SULF1: variants seen among roughly 807,000 people sequenced by gnomAD.
SULF1 encodes the protein extracellular sulfatase Sulf-1.
SULF1 carries 46 observed loss-of-function variants against 110.5 expected under a neutral mutation model. The ratio of observed to expected loss-of-function variants is 0.42; its 90% CI spans 0.33 to 0.53. The LOEUF is 0.53. SULF1 is among the 20% of genes least tolerant of loss of function. SULF1 has a pLI of 0.12. For synonymous variants in SULF1, 371 were observed against 387.1 expected (o/e 0.96, Z 0.49); for missense variants, 941 against 1,094.2 (o/e 0.86, Z 1.98).
At chr8:69,520,590 A>G (rs1362194117) in intron 3 of SULF1, among the ~76,000 whole-genome samples, 1 of 152,218 alleles carries the variant, frequency 6.6e-6, no homozygotes, top group Non-Finnish European at 1.5e-5. Flanking sequence ...AAGAATAATG[A>G]TTTAAGTTCA....
At chr8:69,512,051 A>G (rs1410149911) in intron 3 of SULF1, among the ~76,000 whole-genome samples, 2 of 152,202 alleles carry the variant, frequency 1.3e-5, no homozygotes, top group Admixed American at 1.3e-4. Flanking sequence ...TATTATGGAG[A>G]TGTTTCACAC....
rs968576516 is a variant in SULF1, at chr8:69,592,205, A to G, written c.734+3064A>G. On this transcript the variant is annotated intron_variant, in intron 8 of 22. Coordinates refer to ENST00000402687, the MANE Select transcript of SULF1 (RefSeq NM_001128205.2). ...TATGGCAAGGACACGTGGTCACTGT[A>G]TAAGGGAGGCAATCTAAGATGTGTC... Among the ~76,000 whole-genome samples the G allele has an allele frequency of 3.3e-5, 5 of 152,322 alleles. No homozygotes were observed. In the East Asian group the frequency reaches 5.8e-4, roughly 18 times the overall value.
chr8:69,623,229 T>G (rs1460927072), intron 14 of SULF1, among the ~76,000 whole-genome samples: 1 of 146,904 alleles, frequency 6.8e-6, no homozygotes, highest in Non-Finnish European at 1.5e-5. Context: ...CTTCTTAGAG[T>G]AATCCTCTAC....
intron 22 of SULF1, among the ~76,000 whole-genome samples, chr8:69,656,684 G>A (rs898829219): frequency 3.3e-5 from 5 of 152,060 alleles, no homozygotes; most frequent in East Asian, 1.9e-4. Flanking sequence ...AGTATTCCAC[G>A]GTATATATGT....
rs890670176 is a variant in SULF1, at chr8:69,624,099, A to T, written c.1752A>T (p.Pro584=). ...AKRHDEGHKG[P]RDLQASSGGN... is the part of the protein sequence containing the mutation. The stretch of plus-strand genomic sequence containing the variant: ...GTCATGATGAAGGCCACAAGGGGCC[A>T]AGAGATCTCCAGGCTTCCAGTGGTG... Residue 584 remains proline, a synonymous_variant, in exon 15 of 23, where the codon CCA becomes CCT. Coordinates refer to ENST00000402687, the MANE Select transcript of SULF1 (RefSeq NM_001128205.2). 1.2e-6 allele frequency: 2 copies of T among 1,614,006 alleles called. No homozygotes were observed. The highest frequency in any genetic ancestry group is 2.7e-5 in the African/African-American group (2 of 74,942).
intron 3 of SULF1, among the ~76,000 whole-genome samples, chr8:69,556,181 GAGAA>G (rs1178062555): frequency 2.0e-5 from 3 of 152,144 alleles, no homozygotes; most frequent in Non-Finnish European, 4.4e-5. Flanking sequence ...TGTAGAGAAA[GAGAA>G]AGAAATGGGG....
At chr8:69,554,998 AC>A (rs58284849) in intron 3 of SULF1, among the ~76,000 whole-genome samples, 5,007 of 46,590 alleles carry the variant, frequency 0.11, 578 homozygotes, top group African/African-American at 0.2. Context: ...AAAAAAAAAA[AC>A]AAAAAAAAAA....
At chr8:69,498,129 ACACAC>A (rs1399715276) in intron 2 of SULF1, among the ~76,000 whole-genome samples, 1 of 151,524 alleles carries the variant, frequency 6.6e-6, no homozygotes, top group African/African-American at 2.4e-5. Flanking sequence ...ACACACACAC[ACACAC>A]ACACACACAC....
chr8:69,573,935 A>T (rs1010291708), intron 5 of SULF1, among the ~76,000 whole-genome samples: 3 of 152,176 alleles, frequency 2.0e-5, no homozygotes, highest in Non-Finnish European at 2.9e-5. Context: ...GCATCACCAC[A>T]TCACTTGGGT....
At chr8:69,627,914 C>A (rs1477206605) in intron 17 of SULF1, 48 bp downstream of exon 17, 1 of 1,430,174 alleles carries the variant, frequency 7.0e-7, no homozygotes, top group Non-Finnish European at 9.8e-7. Context: ...CATTTCCGCA[C>A]AAGCCAGAGG....
chr8:69,474,248 G>A (rs1027594809), intron 1 of SULF1, among the ~76,000 whole-genome samples: 9 of 152,134 alleles, frequency 5.9e-5, no homozygotes, highest in African/African-American at 1.9e-4. Context: ...GCATTCCAAT[G>A]TACATTTATT....
chr8:69,576,132 G>C lies in SULF1; in HGVS notation c.335G>C (p.Cys112Ser). The change falls in exon 6 of 23, where the codon TGC (cysteine) becomes TCC (serine). Residue 112 changes from cysteine to serine, a missense_variant. Cys to Ser is a moderately radical substitution (Grantham distance 112). Around this residue, in one of 3 missense-constraint regions of SULF1, gnomAD observed 822 missense variants for 934.3 expected, o/e 0.88. Coordinates refer to ENST00000402687, the MANE Select transcript of SULF1 (RefSeq NM_001128205.2). ...AATGTCTACACCAACAACGAGAACT[G>C]CTCTTCCCCCTCGTGGCAGGCCATG... ...NHNVYTNNEN[C>S]SSPSWQAMHE... is the part of the protein sequence containing the mutation. 1 of 1,614,162 alleles carries C rather than the reference G, an allele frequency of 6.2e-7. No homozygotes were observed. Among genetic ancestry groups the C allele is most frequent in the Non-Finnish European group, 8.5e-7 (1 of 1,180,040 alleles).
At chr8:69,481,995 A>G (rs1266225158) in intron 1 of SULF1, among the ~76,000 whole-genome samples, 1 of 152,210 alleles carries the variant, frequency 6.6e-6, no homozygotes, top group African/African-American at 2.4e-5. Flanking sequence ...TGTATTCTTG[A>G]TCTTCCATTG....
chr8:69,628,438 G>A (rs1481013637), intron 18 of SULF1, among the ~76,000 whole-genome samples: 2 of 152,174 alleles, frequency 1.3e-5, no homozygotes, highest in African/African-American at 4.8e-5. Flanking sequence ...GGCATCCTTT[G>A]TTGGGGAGGC....
intron 3 of SULF1, among the ~76,000 whole-genome samples, chr8:69,503,612 A>T (rs1252360779): frequency 6.6e-6 from 1 of 152,110 alleles, no homozygotes; most frequent in Non-Finnish European, 1.5e-5. Flanking sequence ...ATCAATTTTT[A>T]TGTTGGAAAA....
chr8:69,563,713 C>A, intron 4 of SULF1, 102 bp downstream of exon 4: 1 of 378,728 alleles, frequency 2.6e-6, no homozygotes, highest in Non-Finnish European at 4.8e-6. Context: ...GAATAAAGGA[C>A]AAAAGTGAAT....
At chr8:69,477,404 A>C (rs1022885326) in intron 1 of SULF1, among the ~76,000 whole-genome samples, 1 of 152,228 alleles carries the variant, frequency 6.6e-6, no homozygotes, top group African/African-American at 2.4e-5. Flanking sequence ...TGAAATTAAA[A>C]GTGTTCCTAC....
chr8:69,550,519 A>T (rs1814620948), intron 3 of SULF1, among the ~76,000 whole-genome samples: 1 of 152,130 alleles, frequency 6.6e-6, no homozygotes, highest in Non-Finnish European at 1.5e-5. Context: ...ACGGGGCAGA[A>T]TGGGGCTGTA....
intron 3 of SULF1, among the ~76,000 whole-genome samples, chr8:69,554,848 A>G (rs1041378762): frequency 4.0e-5 from 6 of 151,688 alleles, no homozygotes; most frequent in Admixed American, 1.3e-4. Flanking sequence ...GCGTGGTGGC[A>G]GGCGCCTGTG....
Sources: gnomAD v4.1 joint callset for allele counts (sites outside exome capture counted in the v4.1 genomes callset) on GRCh38, gnomAD v4.1.1 for gene constraint, gnomAD v4.1.1 regional missense constraint, MANE v1.5 for transcripts, NCBI Gene and HGNC (gene_info 2026-07-23, HGNC 2026-07-21) for gene names.